ATAD2B: variants seen among roughly 807,000 people sequenced by gnomAD.
ATAD2B encodes the protein ATPase family AAA domain containing 2B, also known as ATPase family AAA domain-containing protein 2B.
Under a neutral mutation model 167.6 loss-of-function variants are expected in ATAD2B, and 40 were observed. That is an observed-to-expected ratio of 0.24 (90% CI 0.19 to 0.31). The LOEUF is 0.31. Ranked by LOEUF, ATAD2B falls within the 10% of genes least tolerant of loss-of-function variation. The probability of loss-of-function intolerance (pLI) is 1.00; values close to 1 mark genes in which losing one functional copy is unlikely to be tolerated. For synonymous variants in ATAD2B, 579 were observed against 596.5 expected (o/e 0.97, Z 0.43); for missense variants, 1,242 against 1,757.2 (o/e 0.71, Z 5.24).
intron 18 of ATAD2B, chr2:23,809,253 A>T (rs1247861987): frequency 6.6e-6 from 1 of 152,156 alleles, no homozygotes; most frequent in African/African-American, 2.4e-5. Context: ...AATGTGTCAA[A>T]CTGGGAGCAA....
At position 23,765,508 on chromosome 2, in the gene ATAD2B, CTTT is replaced by C. The variant is rs768351346; in HGVS notation, c.3251_3253del (p.Lys1084del). 1.6e-5 allele frequency: 26 copies of C among 1,597,936 alleles called. No individual in the cohort carries two copies. The highest frequency in any genetic ancestry group is 2.2e-5 in the Non-Finnish European group (26 of 1,170,380). ...CCAAGTTTATTTCTACAACTTACCT[CTTT>C]TTATTCTTGCTTCCTTAATTTCCTC... On this transcript the variant is annotated inframe_deletion, in exon 23 of 28. Coordinates refer to ENST00000238789, the MANE Select transcript of ATAD2B (RefSeq NM_017552.4).
At chr2:23,814,711 G>A (rs1345184102) in intron 17 of ATAD2B, among the ~76,000 whole-genome samples, 1 of 152,086 alleles carries the variant, frequency 6.6e-6, no homozygotes, top group African/African-American at 2.4e-5. Context: ...GAAAAAAGAA[G>A]GTAAGTTAGA....
the ATAD2B span, among the ~76,000 whole-genome samples, chr2:23,717,231 T>C: frequency 1.3e-5 from 2 of 151,760 alleles, no homozygotes; most frequent in Non-Finnish European, 2.9e-5. Context: ...GTAATTGGCA[T>C]GGAATGGAAC....
intron 13 of ATAD2B, among the ~76,000 whole-genome samples, chr2:23,848,167 T>C (rs1328979975): frequency 1.3e-5 from 2 of 152,102 alleles, no homozygotes; most frequent in East Asian, 3.8e-4. Flanking sequence ...ATTTAAGATA[T>C]TTTTATTTAC....
chr2:23,690,660 A>G, the ATAD2B span: 1 of 152,198 alleles, frequency 6.6e-6, no homozygotes, highest in African/African-American at 2.4e-5. Flanking sequence ...GGGGCGGCCA[A>G]GCCGACGGCC....
the ATAD2B span, chr2:23,703,833 C>T: frequency 6.5e-7 from 1 of 1,537,470 alleles, no homozygotes. Context: ...AAGGCGGGCC[C>T]AAACATGAAC....
chr2:23,691,690 G>A, the ATAD2B span: 363 of 1,551,618 alleles, frequency 2.3e-4, no homozygotes, highest in Non-Finnish European at 2.8e-4. Context: ...GCAAGACAGC[G>A]GCCAGGGCGG....
chr2:23,831,613 C>CA (rs1207763928), intron 14 of ATAD2B, among the ~76,000 whole-genome samples: 1 of 152,070 alleles, frequency 6.6e-6, no homozygotes, highest in Non-Finnish European at 1.5e-5. Flanking sequence ...AAAACTGAAG[C>CA]AATCAGAAAA....
At chr2:23,740,792 T>C in the ATAD2B span, among the ~76,000 whole-genome samples, 7 of 152,128 alleles carry the variant, frequency 4.6e-5, no homozygotes, top group African/African-American at 1.7e-4. Flanking sequence ...TGATTGTATA[T>C]CTAGAAAACC....
intron 19 of ATAD2B, among the ~76,000 whole-genome samples, chr2:23,793,814 C>T (rs1682183374): frequency 6.6e-6 from 1 of 152,148 alleles, no homozygotes; most frequent in African/African-American, 2.4e-5. Context: ...GGTGCACAAA[C>T]TTTTTGGTCT....
chr2:23,789,858 AG>A (rs1681388724), intron 19 of ATAD2B, among the ~76,000 whole-genome samples: 1 of 152,194 alleles, frequency 6.6e-6, no homozygotes, highest in Non-Finnish European at 1.5e-5. Flanking sequence ...AATTGGCTTA[AG>A]GTAATAAAGT....
intron 19 of ATAD2B, among the ~76,000 whole-genome samples, chr2:23,790,698 T>G (rs933108780): frequency 6.6e-6 from 1 of 152,230 alleles, no homozygotes; most frequent in African/African-American, 2.4e-5. Context: ...AATCACGCTC[T>G]GTTTCACATT....
At chr2:23,911,231 A>G (rs1702257628) in intron 1 of ATAD2B, among the ~76,000 whole-genome samples, 1 of 151,182 alleles carries the variant, frequency 6.6e-6, no homozygotes, top group African/African-American at 2.4e-5. Context: ...GGAAAAAAAA[A>G]AAAAGAGGTA....
Position 23,819,734 on chromosome 2 carries a change from A to G in ATAD2B, c.2267+13T>C, listed in dbSNP as rs772666526. 7.0e-6 allele frequency: 11 copies of G among 1,576,572 alleles called. No individual in the cohort carries two copies. Among genetic ancestry groups the G allele is most frequent in the African/African-American group, 1.4e-5 (1 of 73,434 alleles). On this transcript the variant is annotated intron_variant, in intron 17 of 27. Transcript: ENST00000238789. ...CACTCTAAATACAAAGAAAGTTGAT[A>G]TAAATCACTCACATTGTAAAATGAA...
chr2:23,835,897 T>C (rs1025743597), intron 13 of ATAD2B, among the ~76,000 whole-genome samples: 5 of 151,854 alleles, frequency 3.3e-5, no homozygotes, highest in Admixed American at 6.6e-5. Context: ...AGTCGCACCA[T>C]TGTACTCCAG....
rs1255315512 is a variant in ATAD2B at position 23,786,213 on chromosome 2, A to G, written c.2787T>C (p.Ala929=). ...GTAGTGCAAGAGGAAGCACTTCCAT[A>G]GCACAAAGAGCTAGAGAAAACAGAA... ...PPRRKHAALC[A]MEVLPLALPS... is the part of the protein sequence containing the mutation. The change falls in exon 21 of 28, where the codon GCT becomes GCC. Residue 929 remains alanine (A), a synonymous_variant. Transcript: ENST00000238789. 1 of 1,574,530 alleles carries G rather than the reference A, an allele frequency of 6.4e-7. No individual in the cohort carries two copies. Among genetic ancestry groups the G allele is most frequent in the Non-Finnish European group, 8.6e-7 (1 of 1,159,344 alleles).
At chr2:23,792,990 A>AAAAAAAAAAAAAAAAAAC (rs1682041894) in intron 19 of ATAD2B, among the ~76,000 whole-genome samples, 1 of 148,950 alleles carries the variant, frequency 6.7e-6, no homozygotes, top group African/African-American at 2.5e-5. Flanking sequence ...AAAAAAAAAA[A>AAAAAAAAAAAAAAAAAAC]CTTGAGAAGA....
At chr2:23,880,170 A>G (rs540295118) in intron 7 of ATAD2B, among the ~76,000 whole-genome samples, 34 of 152,292 alleles carry the variant, frequency 2.2e-4, no homozygotes, top group Non-Finnish European at 4.4e-4. Flanking sequence ...CCATATTATT[A>G]AACACAAGCT....
chr2:23,712,452 G>A, the ATAD2B span, among the ~76,000 whole-genome samples: 2 of 152,178 alleles, frequency 1.3e-5, no homozygotes, highest in South Asian at 2.1e-4. Context: ...ATCCACTGCC[G>A]CCTCATTAGA....
Sources: allele counts gnomAD v4.1 joint callset (sites outside exome capture counted in the v4.1 genomes callset), GRCh38; gene constraint gnomAD v4.1.1; transcripts MANE v1.5; gene names NCBI Gene and HGNC (gene_info 2026-07-23, HGNC 2026-07-21).